Variants in IGSF21 observed in about 807,000 individuals in gnomAD.
The protein encoded by IGSF21 is immunoglobulin superfamily member 21.
IGSF21 carries 28 observed loss-of-function variants against 46.8 expected under a neutral mutation model. The observed-to-expected ratio is 0.60, with a 90% CI of 0.44 to 0.82. The LOEUF is 0.82. IGSF21 is among the 40% of genes least tolerant of loss of function. The pLI is 0.00. For synonymous variants in IGSF21, 284 were observed against 273.6 expected, an observed-to-expected ratio of 1.04 and a Z score of -0.38; for missense variants, 624 against 665.5, an observed-to-expected ratio of 0.94 and a Z score of 0.69.
chr1:18,161,007 A>G (rs2086615715), intron 1 of IGSF21, among the ~76,000 whole-genome samples: 1 of 152,126 alleles, frequency 6.6e-6, no homozygotes, highest in South Asian at 2.1e-4. Context: ...GCAGGGGACC[A>G]ACTGTAGAGC....
chr1:18,254,743 G>A (rs1253633226), intron 2 of IGSF21, among the ~76,000 whole-genome samples: 3 of 152,204 alleles, frequency 2.0e-5, no homozygotes, highest in Non-Finnish European at 2.9e-5. Flanking sequence ...CAAGCCAAGT[G>A]TCTGGTGGCT....
At chr1:18,285,599 C>T (rs80076687) in intron 2 of IGSF21, among the ~76,000 whole-genome samples, 7,569 of 152,164 alleles carry the variant, frequency 0.05, 404 homozygotes, top group African/African-American at 0.14. Flanking sequence ...GGACTTAGAA[C>T]CTAGCTCTCT....
chr1:18,154,431 T>C (rs1369860580), intron 1 of IGSF21, among the ~76,000 whole-genome samples: 1 of 152,104 alleles, frequency 6.6e-6, no homozygotes, highest in Admixed American at 6.5e-5. Context: ...GGAAAGGAGA[T>C]ATCAGTGGGC....
intron 2 of IGSF21, among the ~76,000 whole-genome samples, chr1:18,237,153 T>A (rs2084680842): frequency 6.6e-6 from 1 of 152,160 alleles, no homozygotes; most frequent in Admixed American, 6.5e-5. Context: ...GCAGCCTCGC[T>A]CTCCTCATCG....
intron 2 of IGSF21, among the ~76,000 whole-genome samples, chr1:18,256,719 G>A (rs1467036010): frequency 6.6e-6 from 1 of 152,116 alleles, no homozygotes; most frequent in African/African-American, 2.4e-5. Flanking sequence ...GTTACCTCCT[G>A]GTACCATATT....
intron 3 of IGSF21, among the ~76,000 whole-genome samples, chr1:18,324,680 T>A (rs1248650004): frequency 6.6e-6 from 1 of 152,198 alleles, no homozygotes; most frequent in Non-Finnish European, 1.5e-5. Context: ...ATGTACATTC[T>A]GTGCTCACAA....
intron 2 of IGSF21, among the ~76,000 whole-genome samples, chr1:18,238,261 T>A (rs888391570): frequency 2.6e-5 from 4 of 152,178 alleles, no homozygotes; most frequent in Admixed American, 2.0e-4. Flanking sequence ...TTGTGCCAGA[T>A]GGCCCATGAG....
chr1:18,219,958 G>C (rs1182765431), intron 1 of IGSF21, among the ~76,000 whole-genome samples: 1 of 152,216 alleles, frequency 6.6e-6, no homozygotes, highest in Admixed American at 6.5e-5. Context: ...GGAGAAGCCA[G>C]GAAGATAGGA....
intron 3 of IGSF21, among the ~76,000 whole-genome samples, chr1:18,295,870 G>A (rs947593733): frequency 2.6e-5 from 4 of 152,196 alleles, no homozygotes; most frequent in Non-Finnish European, 1.5e-5. Flanking sequence ...GTCCCTCCAG[G>A]GGGACAGTTC....
intron 1 of IGSF21, among the ~76,000 whole-genome samples, chr1:18,225,085 T>TCTCTCTCACACACACACACACA: frequency 1.9e-5 from 1 of 51,582 alleles, no homozygotes; most frequent in African/African-American, 7.1e-5. Flanking sequence ...TCTCTCTCTC[T>TCTCTCTCACACACACACACACA]CACACACACA....
At chr1:18,353,466 C>T (rs985464347) in intron 4 of IGSF21, among the ~76,000 whole-genome samples, 1 of 152,126 alleles carries the variant, frequency 6.6e-6, no homozygotes, top group Non-Finnish European at 1.5e-5. Context: ...AGGTAAGAAG[C>T]CTTCCCTGAC....
chr1:18,368,699 C>G (rs1009857840), intron 6 of IGSF21, among the ~76,000 whole-genome samples: 1 of 152,160 alleles, frequency 6.6e-6, no homozygotes, highest in Non-Finnish European at 1.5e-5. Context: ...CCTCCCCTGA[C>G]AGAGCAGCCT....
intron 4 of IGSF21, chr1:18,361,879 G>T: frequency 1.9e-6 from 1 of 519,464 alleles, no homozygotes; most frequent in Non-Finnish European, 3.5e-6. Flanking sequence ...CTTGATTCCT[G>T]TGTGTCTTCT....
At chr1:18,254,177 A>G (rs1219676415) in intron 2 of IGSF21, among the ~76,000 whole-genome samples, 1 of 152,188 alleles carries the variant, frequency 6.6e-6, no homozygotes, top group Non-Finnish European at 1.5e-5. Flanking sequence ...GCCCAAGCAG[A>G]TGATCCCAGT....
chr1:18,377,260 C>T (rs549167170), intron 8 of IGSF21, 133 bp from the exon 9 acceptor site: 69 of 900,122 alleles, frequency 7.7e-5, no homozygotes, highest in South Asian at 4.8e-4. Flanking sequence ...TATCCAGCTC[C>T]CCTGAAGGTT....
chr1:18,160,464 G>A (rs1459956125), intron 1 of IGSF21, among the ~76,000 whole-genome samples: 1 of 152,104 alleles, frequency 6.6e-6, no homozygotes, highest in Non-Finnish European at 1.5e-5. Flanking sequence ...AGCTCTCCTG[G>A]GTGTGGCTTC....
At position 18,335,133 on chromosome 1, in the gene IGSF21, G is replaced by T. The variant is rs927282010; in HGVS notation, c.424+123G>T. 23 of 748,128 alleles carry T rather than the reference G, an allele frequency of 3.1e-5. No individual in the cohort carries two copies. In the Admixed American group the frequency reaches 4.8e-4, roughly 16 times the overall value. 46.3% of individuals were successfully genotyped at this position (748,128 alleles called of 1,614,324 possible). On this transcript the variant is annotated intron_variant, in intron 4 of 9. Transcript: ENST00000251296. The surrounding 1 kb of genome is among the most constrained non-coding windows in gnomAD (Gnocchi z 4.8). Reference sequence around the variant, plus strand: ...CCACCAGAAGTTCTGTTGTGCTGGTGTCTTCCCTTTCCTGCTCTTGTTGTG... The same window carrying T: ...CCACCAGAAGTTCTGTTGTGCTGGTTTCTTCCCTTTCCTGCTCTTGTTGTG...
At chr1:18,166,772 C>T in intron 1 of IGSF21, among the ~76,000 whole-genome samples, 1 of 152,132 alleles carries the variant, frequency 6.6e-6, no homozygotes, top group East Asian at 1.9e-4. Flanking sequence ...CCCTGCTGTC[C>T]TTCAAAGCCC....
chr1:18,369,711 C>T (rs977560304), intron 6 of IGSF21, among the ~76,000 whole-genome samples: 22 of 152,172 alleles, frequency 1.4e-4, no homozygotes, highest in African/African-American at 4.6e-4. Context: ...ATCAGGCCAA[C>T]GAGGGTGGGA....
Sources: gnomAD v4.1 joint callset for allele counts (sites outside exome capture counted in the v4.1 genomes callset) on GRCh38, gnomAD v4.1.1 for gene constraint, Gnocchi (gnomAD v3.1) non-coding constraint, MANE v1.5 for transcripts, NCBI Gene and HGNC (gene_info 2026-07-23, HGNC 2026-07-21) for gene names.